CCDC33: variants seen among roughly 807,000 people sequenced by gnomAD.
CCDC33 encodes coiled-coil domain-containing protein 33.
In CCDC33, 94 loss-of-function variants were observed where a neutral mutation model predicts 91.9. The ratio of observed to expected loss-of-function variants is 1.02; its 90% CI spans 0.87 to 1.21. The LOEUF (loss-of-function observed/expected upper bound fraction) is 1.21, where lower values mean the gene tolerates loss of function less well. Ranked by LOEUF, CCDC33 falls within the 50% of genes most tolerant of loss-of-function variation. The pLI, the probability that CCDC33 is intolerant of heterozygous loss-of-function variation, is 0.00. For missense variants in CCDC33, 940 were observed against 935.5 expected (o/e 1.00, Z -0.06); for synonymous variants, 396 against 374.5 (o/e 1.06, Z -0.66).
chr15:74,277,385 G>C (rs1343727147), intron 7 of CCDC33, among the ~76,000 whole-genome samples: 1 of 152,238 alleles, frequency 6.6e-6, no homozygotes, highest in Admixed American at 6.5e-5. Flanking sequence ...GATGTGGGTG[G>C]GCCCAGGGGA....
rs1267814512 is a variant in CCDC33 at position 74,236,437 on chromosome 15, C to T, written c.-283C>T. 5 of 427,418 alleles carry T rather than the reference C, an allele frequency of 1.2e-5. No homozygotes were observed. The highest frequency in any genetic ancestry group is 2.1e-5 in the Non-Finnish European group (5 of 241,730). The allele number at this position is 427,418 out of a possible 1,614,324, so 26.5% of individuals were successfully genotyped here. A position where few individuals can be genotyped will look rare whatever the true frequency, so the allele number is the denominator to read the frequency against. ...GCTGACCCTGTCCAGCTGGCCATGG[C>T]CCTCAACCCCCAAGGCCCTTCCACC... On this transcript the variant is annotated 5_prime_UTR_variant, in exon 1 of 19. Coordinates refer to ENST00000398814, the MANE Select transcript of CCDC33 (RefSeq NM_025055.5).
chr15:74,249,855 G>A lies in CCDC33; in HGVS notation c.185+5707G>A, dbSNP rs144805263. Among the ~76,000 whole-genome samples the A allele has an allele frequency of 4.5e-3, 690 of 152,236 alleles. 6 individuals carry two copies. Among genetic ancestry groups the A allele is most frequent in the African/African-American group, 0.016 (658 of 41,520 alleles). ...TGAATTTGTTTATTACACAGAGGCAGCAGCCCCTCCAGACAACTCAGTCTC... is the reference window on the plus strand; with the variant it reads ...TGAATTTGTTTATTACACAGAGGCAACAGCCCCTCCAGACAACTCAGTCTC... On this transcript the variant is annotated intron_variant, in intron 2 of 18. Coordinates refer to ENST00000398814, the MANE Select transcript of CCDC33 (RefSeq NM_025055.5).
chr15:74,287,228 G>A (rs1349053781), intron 10 of CCDC33, among the ~76,000 whole-genome samples: 1 of 152,154 alleles, frequency 6.6e-6, no homozygotes, highest in Non-Finnish European at 1.5e-5. Flanking sequence ...TCCTCCACTG[G>A]TTCTGCCCTC....
chr15:74,287,026 A>C (rs1222657695), intron 10 of CCDC33, among the ~76,000 whole-genome samples: 2 of 152,236 alleles, frequency 1.3e-5, no homozygotes, highest in South Asian at 2.1e-4. Context: ...GTGGCCACTT[A>C]GCAAATATAG....
intron 1 of CCDC33, among the ~76,000 whole-genome samples, chr15:74,237,090 C>A (rs2075186708): frequency 6.6e-6 from 1 of 152,254 alleles, no homozygotes; most frequent in African/African-American, 2.4e-5. Context: ...GATTCCCAGG[C>A]TGCTGGCTTG....
At chr15:74,324,251 C>A (rs544142261) in intron 11 of CCDC33, among the ~76,000 whole-genome samples, 4 of 152,082 alleles carry the variant, frequency 2.6e-5, no homozygotes, top group African/African-American at 9.7e-5. Flanking sequence ...GCTTTGCACA[C>A]GGCTCTTTTG....
intron 1 of CCDC33, among the ~76,000 whole-genome samples, chr15:74,205,758 G>A (rs2074246663): frequency 1.3e-5 from 2 of 152,180 alleles, no homozygotes; most frequent in African/African-American, 2.4e-5. Context: ...CACCCCCCAC[G>A]GAGAGCCCAG....
chr15:74,210,056 G>A (rs2074346666), intron 2 of CCDC33, among the ~76,000 whole-genome samples: 1 of 152,234 alleles, frequency 6.6e-6, no homozygotes, highest in African/African-American at 2.4e-5. Flanking sequence ...GAGAGAGGGA[G>A]AGAGAGAGCA....
exon 1 of CCDC33, chr15:74,217,218 G>A: frequency 8.3e-7 from 1 of 1,198,566 alleles, no homozygotes; most frequent in Non-Finnish European, 1.1e-6. Flanking sequence ...GTCCAGGCTG[G>A]GCTGTGGGTG....
In CCDC33 at chr15:74,271,803, G is replaced by A. The variant is rs945631957; in HGVS notation, c.638+9G>A. 18 of 1,611,716 alleles carry A rather than the reference G, an allele frequency of 1.1e-5. No individual in the cohort carries two copies. Among genetic ancestry groups the A allele is most frequent in the Non-Finnish European group, 1.4e-5 (16 of 1,178,120 alleles). ...AACTACAAGGAATTTAAGTGAGTGG[G>A]GCCCAGGTGGACCTGGGTGAGGAGG... On this transcript the variant is annotated intron_variant, in intron 6 of 18. Coordinates refer to ENST00000398814, the MANE Select transcript of CCDC33 (RefSeq NM_025055.5).
At chr15:74,321,751 A>C (rs923412600) in intron 11 of CCDC33, among the ~76,000 whole-genome samples, 2 of 152,204 alleles carry the variant, frequency 1.3e-5, no homozygotes, top group African/African-American at 4.8e-5. Context: ...AGATTAGCCA[A>C]GAGAGACCTC....
rs77562762 is a variant in CCDC33, at chr15:74,271,713, G to T, written c.557G>T (p.Arg186Leu). 382 of 1,613,344 alleles carry T rather than the reference G, an allele frequency of 2.4e-4. 1 individual carries two copies. The highest frequency in any genetic ancestry group is 3.4e-5 in the Non-Finnish European group (40 of 1,179,436). ...TCCTCTCCTCTCCAGATCTTTCTCC[G>T]GGGAGTCAACGAGCCCCTGGCCAAC... Reference protein sequence around the residue: ...CNHMALEIFLRGVNEPLANNP... With the variant: ...CNHMALEIFLLGVNEPLANNP... The change falls in exon 6 of 19, where the codon CGG becomes CTG. Residue 186 changes from arginine to leucine, a missense_variant. Arg to Leu is a moderately radical substitution (Grantham distance 102). Coordinates refer to ENST00000398814, the MANE Select transcript of CCDC33 (RefSeq NM_025055.5).
At chr15:74,248,894 C>A (rs903898312) in intron 2 of CCDC33, among the ~76,000 whole-genome samples, 5 of 152,186 alleles carry the variant, frequency 3.3e-5, no homozygotes, top group Non-Finnish European at 7.3e-5. Context: ...TCTGACCCTG[C>A]ATCCAACGGG....
chr15:74,290,778 G>A (rs1458342647), intron 10 of CCDC33, among the ~76,000 whole-genome samples: 1 of 152,156 alleles, frequency 6.6e-6, no homozygotes, highest in Admixed American at 6.5e-5. Flanking sequence ...CAGGGTGAGG[G>A]CTTTATCATA....
At position 74,249,290 on chromosome 15, in the gene CCDC33, T is replaced by C. The variant is rs1469827690; in HGVS notation, c.185+5142T>C. On this transcript the variant is annotated intron_variant, in intron 2 of 18. Coordinates refer to ENST00000398814, the MANE Select transcript of CCDC33 (RefSeq NM_025055.5). ...TCATGAGGTCAGGAGATCGAGATCA[T>C]CCTAGCTAACACAGTGAAACCCCGT... Among the ~76,000 whole-genome samples, 64 of 151,770 alleles carry C rather than the reference T, an allele frequency of 4.2e-4. 2 individuals are homozygous for C. The highest frequency in any genetic ancestry group is 4.4e-5 in the Non-Finnish European group (3 of 67,952).
At chr15:74,280,343 G>C (rs74354612) in intron 8 of CCDC33, among the ~76,000 whole-genome samples, 1 of 152,194 alleles carries the variant, frequency 6.6e-6, no homozygotes, top group Non-Finnish European at 1.5e-5. Context: ...ATGGGGGAGG[G>C]CTGGAGCCCT....
At chr15:74,268,112 G>C (rs1488688499) in intron 4 of CCDC33, among the ~76,000 whole-genome samples, 1 of 152,226 alleles carries the variant, frequency 6.6e-6, no homozygotes, top group Non-Finnish European at 1.5e-5. Context: ...CTGGAAAGCA[G>C]ACAGGCAGTG....
rs369185487 is a variant in CCDC33 at position 74,332,752 on chromosome 15, G to A, written c.1845G>A (p.Ser615=). 107 of 1,614,080 alleles carry A rather than the reference G, an allele frequency of 6.6e-5. 1 individual carries two copies. The highest frequency in any genetic ancestry group is 8.2e-5 in the Non-Finnish European group (97 of 1,180,030). Residue 615 remains serine, a synonymous_variant, in exon 16 of 19, where the codon TCG becomes TCA. Transcript: ENST00000398814. ...MGENLPVELY[S]VLLAENAKLR... ...AGAACCTGCCGGTTGAACTTTACTC[G>A]GTGCTGCTGGCAGAAAACGCGAAGC...
rs753327072 is a variant in CCDC33 at position 74,278,208 on chromosome 15, T to C, written c.760-1755T>C. ...CCCCAGGGGCAGGGGCAGACACAGCTGAGCCTTGGGCTGGGCCTGGACAAA... is the reference window on the plus strand; with the variant it reads ...CCCCAGGGGCAGGGGCAGACACAGCCGAGCCTTGGGCTGGGCCTGGACAAA... On this transcript the variant is annotated intron_variant, in intron 7 of 18. Coordinates refer to ENST00000398814, the MANE Select transcript of CCDC33 (RefSeq NM_025055.5). Among the ~76,000 whole-genome samples the C allele has an allele frequency of 6.6e-5, 10 of 152,246 alleles. No individual in the cohort carries two copies. In the South Asian group the frequency reaches 2.1e-3, roughly 31 times the overall value.
Sources: allele counts gnomAD v4.1 joint callset (sites outside exome capture counted in the v4.1 genomes callset), GRCh38; gene constraint gnomAD v4.1.1; transcripts MANE v1.5; gene names NCBI Gene and HGNC (gene_info 2026-07-23, HGNC 2026-07-21).